The following ARHGAP27 variants were observed in gnomAD, a reference collection of about 807,000 sequenced individuals.
ARHGAP27 encodes Rho GTPase activating protein 27, also known as rho GTPase-activating protein 27.
In ARHGAP27, 53 loss-of-function variants were observed where a neutral mutation model predicts 102.0. The observed-to-expected ratio is 0.52, with a 90% CI of 0.42 to 0.65. The LOEUF is 0.65. Ranked by LOEUF, ARHGAP27 falls within the 30% of genes least tolerant of loss-of-function variation. The pLI is 0.00. For synonymous variants in ARHGAP27, 525 were observed against 542.8 expected (o/e 0.97, Z 0.46); for missense variants, 1,117 against 1,256.2 (o/e 0.89, Z 1.68).
chr17:45,416,247 G>C lies in ARHGAP27; in HGVS notation c.658-10164C>G, dbSNP rs575511722. 5.8e-4 allele frequency among the ~76,000 whole-genome samples: 88 copies of C among 151,686 alleles called. 1 individual carries two copies. The Middle Eastern group carries it at 0.014, about 23-fold the overall frequency. On this transcript the variant is annotated intron_variant, in intron 4 of 19. Transcript: ENST00000685559. The stretch of plus-strand genomic sequence containing the variant: ...ATTTTTTTTTTTTTAGTAGAGACGG[G>C]GTTTCACCGTGTTAGCCAGGATGGT...
chr17:45,414,115 A>AT (rs1352352066), intron 4 of ARHGAP27, among the ~76,000 whole-genome samples: 1 of 152,080 alleles, frequency 6.6e-6, no homozygotes, highest in Non-Finnish European at 1.5e-5. Context: ...CAAAAAAAAA[A>AT]AAAGAAATGG....
chr17:45,429,871 G>A lies in ARHGAP27; in HGVS notation c.409C>T (p.Pro137Ser), dbSNP rs936868843. The A allele has an allele frequency of 2.2e-5, 29 of 1,302,788 alleles. No homozygotes were observed. The highest frequency in any genetic ancestry group is 2.6e-5 in the Non-Finnish European group (27 of 1,029,976). The allele number at this position is 1,302,788 out of a possible 1,614,324, so 80.7% of individuals were successfully genotyped here. A position where few individuals can be genotyped will look rare whatever the true frequency, so the allele number is the denominator to read the frequency against. The change falls in exon 4 of 20, where the codon CCC (proline) becomes TCC (serine). Residue 137 changes from proline to serine, a missense_variant. Coordinates refer to ENST00000685559, the MANE Select transcript of ARHGAP27 (RefSeq NM_001282290.2). ...GAATQRSSLA[P>S]GLPACLYLRP... ...AGGTACAGGCAGGCTGGCAGGCCGGGCGCCAGGCTGCTGCGCTGGGTCGCG... is the reference window on the plus strand; with the variant it reads ...AGGTACAGGCAGGCTGGCAGGCCGGACGCCAGGCTGCTGCGCTGGGTCGCG...
chr17:45,402,679 C>T (rs1270867606), intron 12 of ARHGAP27, 35 bp downstream of exon 12: 2 of 1,556,320 alleles, frequency 1.3e-6, no homozygotes, highest in East Asian at 2.3e-5. Context: ...CATCACTAAG[C>T]CCCTTCCCTC....
At chr17:45,396,179 T>C in intron 17 of ARHGAP27, 28 bp downstream of exon 17, 1 of 1,595,790 alleles carries the variant, frequency 6.3e-7, no homozygotes, top group East Asian at 2.2e-5. Flanking sequence ...CTTCAGGCCC[T>C]GGGGCAGGGG....
chr17:45,406,220 A>C (rs2047151678), intron 4 of ARHGAP27, 137 bp from the exon 5 acceptor site: 1 of 1,053,968 alleles, frequency 9.5e-7, no homozygotes, highest in Non-Finnish European at 1.3e-6. Context: ...GCAGCCTCAA[A>C]ATTTTGTACA....
At position 45,403,861 on chromosome 17, in the gene ARHGAP27, C is replaced by G. The variant is rs139012171; in HGVS notation, c.1548-152G>C. On this transcript the variant is annotated intron_variant, in intron 10 of 19. Coordinates refer to ENST00000685559, the MANE Select transcript of ARHGAP27 (RefSeq NM_001282290.2). ...AATCCCGACTCTAACACCTAGCAGC[C>G]GAGGGACCTTGAGCAAGTCACTTTA... 3,649 of 985,584 alleles carry G rather than the reference C, an allele frequency of 3.7e-3. 11 individuals are homozygous for G. The highest frequency in any genetic ancestry group is 5.0e-3 in the Non-Finnish European group (3,255 of 653,304). 61.1% of individuals were successfully genotyped at this position (985,584 alleles called of 1,614,324 possible).
intron 12 of ARHGAP27, among the ~76,000 whole-genome samples, chr17:45,400,504 C>T (rs1236252110): frequency 1.3e-5 from 2 of 152,184 alleles, no homozygotes; most frequent in African/African-American, 4.8e-5. Flanking sequence ...GCAAAGACAA[C>T]TCAAAAAGCC....
chr17:45,406,726 T>C (rs2144578299), intron 4 of ARHGAP27, among the ~76,000 whole-genome samples: 1 of 152,154 alleles, frequency 6.6e-6, no homozygotes, highest in East Asian at 1.9e-4. Context: ...CAATCTTGGC[T>C]CACTGCAACC....
Position 45,395,864 on chromosome 17 carries a change from G to T in ARHGAP27, c.2387-15C>A. 1 of 1,595,004 alleles carries T rather than the reference G, an allele frequency of 6.3e-7. No individual in the cohort carries two copies. The highest frequency in any genetic ancestry group is 8.5e-7 in the Non-Finnish European group (1 of 1,170,152). Reference sequence around the variant, plus strand: ...GTCCTGCAACTCTGGGTGAGGGAAGGTTTAGAGGGAGGGAGTCGGAACGGG... The same window carrying T: ...GTCCTGCAACTCTGGGTGAGGGAAGTTTTAGAGGGAGGGAGTCGGAACGGG... On this transcript the variant is annotated splice_polypyrimidine_tract_variant and intron_variant, in intron 18 of 19. Transcript: ENST00000685559.
At chr17:45,416,250 T>A (rs1290924902) in intron 4 of ARHGAP27, among the ~76,000 whole-genome samples, 9 of 151,784 alleles carry the variant, frequency 5.9e-5, no homozygotes. Flanking sequence ...GAGACGGGGT[T>A]TCACCGTGTT....
intron 4 of ARHGAP27, among the ~76,000 whole-genome samples, chr17:45,416,822 C>T (rs1301754464): frequency 1.3e-5 from 2 of 149,052 alleles, no homozygotes; most frequent in African/African-American, 4.9e-5. Flanking sequence ...CCTGGGATTA[C>T]AGGCGTGAGC....
chr17:45,431,555 A>C, intron 3 of ARHGAP27, 66 bp downstream of exon 3: 1 of 193,636 alleles, frequency 5.2e-6, no homozygotes, highest in South Asian at 7.1e-5. Flanking sequence ...CCGGTGCTGA[A>C]CCAACAAACC....
chr17:45,407,130 C>T (rs62064603), intron 4 of ARHGAP27, among the ~76,000 whole-genome samples: 21,120 of 152,088 alleles, frequency 0.14, 1,767 homozygotes, highest in Middle Eastern at 0.24. Context: ...CACAAGAGAC[C>T]GTCCCTCACC....
intron 4 of ARHGAP27, among the ~76,000 whole-genome samples, chr17:45,412,572 G>A (rs1303812214): frequency 6.6e-6 from 1 of 152,232 alleles, no homozygotes; most frequent in African/African-American, 2.4e-5. Flanking sequence ...GTCCTTTGTT[G>A]ACTCAGTGAG....
At chr17:45,405,181 G>A (rs1597795710) in intron 5 of ARHGAP27, 75 bp from the exon 6 acceptor site, 1 of 1,463,816 alleles carries the variant, frequency 6.8e-7, no homozygotes, top group Admixed American at 2.4e-5. Context: ...TTTGGACCAG[G>A]CCCACCCCCT....
intron 10 of ARHGAP27, 106 bp downstream of exon 10, chr17:45,403,923 C>A: frequency 2.3e-6 from 3 of 1,318,820 alleles, no homozygotes; most frequent in Non-Finnish European, 3.2e-6. Context: ...GGACCACTCA[C>A]GAAGTTGTTG....
At chr17:45,410,489 G>A (rs1004924934) in intron 4 of ARHGAP27, 13 of 1,254,298 alleles carry the variant, frequency 1.0e-5, no homozygotes, top group African/African-American at 9.4e-5. Context: ...AGGGGCCTCA[G>A]GTTGAGGGTA....
rs2145090555 is a variant in ARHGAP27 at position 45,429,936 on chromosome 17, C to T, written c.344G>A (p.Gly115Asp). Residue 115 changes from glycine (G) to aspartate (D), a missense_variant, in exon 4 of 20, where the codon GGC becomes GAC. By Grantham distance (94) the Gly-to-Asp change is moderately conservative (BLOSUM62 -1). This residue lies in a region of ARHGAP27 where 610 missense variants were observed against 716.4 expected (regional missense o/e 0.85). Transcript: ENST00000685559. ...GPDGAPEESG[G>D]RASSLCGPAQ... ...AGGGCCGCACAGGGAGCTGGCTCGGCCTCCGGACTCCTCGGGGGCGCCGTC... is the reference window on the plus strand; with the variant it reads ...AGGGCCGCACAGGGAGCTGGCTCGGTCTCCGGACTCCTCGGGGGCGCCGTC... The T allele has an allele frequency of 3.5e-6, 4 of 1,132,002 alleles. No individual in the cohort carries two copies. The highest frequency in any genetic ancestry group is 4.3e-6 in the Non-Finnish European group (4 of 926,046). The allele number at this position is 1,132,002 out of a possible 1,614,324, so 70.1% of individuals were successfully genotyped here.
chr17:45,396,890 C>T (rs764477136), intron 14 of ARHGAP27, 26 bp downstream of exon 14: 1 of 1,607,238 alleles, frequency 6.2e-7, no homozygotes, highest in East Asian at 2.2e-5. Flanking sequence ...TCCTGGAGCC[C>T]CCACCCCATC....
Sources: allele counts gnomAD v4.1 joint callset (sites outside exome capture counted in the v4.1 genomes callset), GRCh38; gene constraint gnomAD v4.1.1; regional missense constraint gnomAD v4.1.1; transcripts MANE v1.5; gene names NCBI Gene and HGNC (gene_info 2026-07-23, HGNC 2026-07-21).